The following HHAT variants were observed in gnomAD, a reference collection of about 807,000 sequenced individuals.
HHAT encodes protein-cysteine N-palmitoyltransferase HHAT.
A neutral mutation model predicts 70.8 loss-of-function variants in HHAT; 47 were observed. The ratio of observed to expected loss-of-function variants is 0.66; its 90% CI spans 0.53 to 0.85. HHAT has a LOEUF of 0.85. HHAT is among the 40% of genes least tolerant of loss of function. HHAT has a pLI of 0.00. For missense variants in HHAT, 609 were observed against 604.8 expected (o/e 1.01, Z -0.07); for synonymous variants, 228 against 247.6 (o/e 0.92, Z 0.74).
chr1:210,609,824 C>T (rs1666232220), intron 10 of HHAT, among the ~76,000 whole-genome samples: 1 of 152,098 alleles, frequency 6.6e-6, no homozygotes, highest in Non-Finnish European at 1.5e-5. Flanking sequence ...CATCCATGTC[C>T]CTTCAAAGGA....
intron 9 of HHAT, among the ~76,000 whole-genome samples, chr1:210,568,319 C>T (rs1655275170): frequency 6.6e-6 from 1 of 152,214 alleles, no homozygotes; most frequent in African/African-American, 2.4e-5. Context: ...TCATCTCTAT[C>T]TTTTGTGATA....
In HHAT at chr1:210,541,673, G is replaced by A. The variant is rs1251023489; in HGVS notation, c.1043+28485G>A. Among the ~76,000 whole-genome samples the A allele has an allele frequency of 2.0e-5, 3 of 152,344 alleles. No individual in the cohort carries two copies. The South Asian group carries it at 6.2e-4, about 32-fold the overall frequency. On this transcript the variant is annotated intron_variant, in intron 9 of 11. Coordinates refer to ENST00000261458, the MANE Select transcript of HHAT (RefSeq NM_018194.6). ...ACCCGGGAGGCGGAGGTTGCAGTGAGCTGAGATTGTGCCACTGCACTACAG... is the reference window on the plus strand; with the variant it reads ...ACCCGGGAGGCGGAGGTTGCAGTGAACTGAGATTGTGCCACTGCACTACAG...
chr1:210,629,830 TTTTTTTTG>T (rs201216286), intron 11 of HHAT, among the ~76,000 whole-genome samples: 18 of 112,546 alleles, frequency 1.6e-4, no homozygotes, highest in East Asian at 8.6e-4. Context: ...TGTTTCTGTT[TTTTTTTTG>T]TTTTTTGTTT....
intron 5 of HHAT, among the ~76,000 whole-genome samples, chr1:210,401,535 G>A (rs1281733463): frequency 6.6e-6 from 1 of 152,192 alleles, no homozygotes; most frequent in East Asian, 1.9e-4. Context: ...AAACCCAGAG[G>A]CATTTTGACA....
chr1:210,490,784 T>C (rs1343314395), intron 8 of HHAT, among the ~76,000 whole-genome samples: 1 of 152,144 alleles, frequency 6.6e-6, no homozygotes, highest in Non-Finnish European at 1.5e-5. Context: ...AACTCACTAA[T>C]AGGAAAAGAG....
chr1:210,402,572 G>A (rs144876066), intron 5 of HHAT, among the ~76,000 whole-genome samples: 333 of 152,286 alleles, frequency 2.2e-3, no homozygotes, highest in African/African-American at 7.7e-3. Flanking sequence ...GTTAGTGTCC[G>A]ATACTGCTCT....
At chr1:210,632,564 C>G (rs1464884832) in intron 11 of HHAT, among the ~76,000 whole-genome samples, 1 of 152,152 alleles carries the variant, frequency 6.6e-6, no homozygotes, top group African/African-American at 2.4e-5. Context: ...TTTGGACATG[C>G]CTACTCCCCC....
chr1:210,433,024 C>T (rs2093289402), intron 7 of HHAT, among the ~76,000 whole-genome samples: 2 of 151,542 alleles, frequency 1.3e-5, no homozygotes, highest in South Asian at 4.2e-4. Context: ...CCAAAAGTTG[C>T]GGTTAAGTGT....
At chr1:210,425,285 C>A (rs1233729235) in intron 7 of HHAT, among the ~76,000 whole-genome samples, 1 of 152,116 alleles carries the variant, frequency 6.6e-6, no homozygotes, top group African/African-American at 2.4e-5. Context: ...AATTTTCTCC[C>A]ATTTTGTAGG....
intron 1 of HHAT, among the ~76,000 whole-genome samples, chr1:210,340,625 A>T (rs945797863): frequency 6.6e-6 from 1 of 152,148 alleles, no homozygotes; most frequent in East Asian, 1.9e-4. Flanking sequence ...GGTTAGGTTT[A>T]GTTTGCCTTT....
At chr1:210,644,602 CAAAAAAAAAA>C (rs57190952) in intron 11 of HHAT, among the ~76,000 whole-genome samples, 1 of 64,026 alleles carries the variant, frequency 1.6e-5, no homozygotes, top group African/African-American at 7.4e-5. Flanking sequence ...GACTCCATCT[CAAAAAAAAAA>C]AAAAAAAAAA....
intron 10 of HHAT, among the ~76,000 whole-genome samples, chr1:210,619,194 AC>A (rs1303865608): frequency 6.6e-6 from 1 of 151,742 alleles, no homozygotes; most frequent in Admixed American, 6.6e-5. Context: ...GCCCCGACCC[AC>A]CCCCTGTCAT....
At chr1:210,668,072 C>A (rs1315723838) in intron 11 of HHAT, among the ~76,000 whole-genome samples, 1 of 152,126 alleles carries the variant, frequency 6.6e-6, no homozygotes, top group Non-Finnish European at 1.5e-5. Flanking sequence ...ATATAGTATT[C>A]TTTTGTGTCC....
chr1:210,535,597 C>T (rs954576564), intron 9 of HHAT, among the ~76,000 whole-genome samples: 1 of 152,038 alleles, frequency 6.6e-6, no homozygotes, highest in Non-Finnish European at 1.5e-5. Flanking sequence ...GTTCACACAT[C>T]AGATGTCAGA....
intron 11 of HHAT, among the ~76,000 whole-genome samples, chr1:210,637,871 A>AGG (rs1553312397): frequency 9.4e-5 from 11 of 117,500 alleles, no homozygotes; most frequent in African/African-American, 1.6e-4. Context: ...AAAAAAAAAA[A>AGG]GGGGGGGGCA....
intron 9 of HHAT, among the ~76,000 whole-genome samples, 166 bp from the exon 10 acceptor site, chr1:210,587,732 C>T (rs965541418): frequency 1.1e-4 from 17 of 152,164 alleles, no homozygotes; most frequent in African/African-American, 1.7e-4. Context: ...CTTGGGTTTT[C>T]GCCAACTCCT....
At chr1:210,438,128 G>A (rs868251125) in intron 7 of HHAT, among the ~76,000 whole-genome samples, 7 of 151,734 alleles carry the variant, frequency 4.6e-5, no homozygotes, top group Admixed American at 1.3e-4. Context: ...GGGAGGAGGA[G>A]TTCTCTTTTC....
At chr1:210,598,956 G>A (rs11119547) in intron 10 of HHAT, among the ~76,000 whole-genome samples, 63,819 of 151,908 alleles carry the variant, frequency 0.42, 13,967 homozygotes, top group South Asian at 0.51. Flanking sequence ...GGCCTTATTT[G>A]GGGATCAAAA....
intron 8 of HHAT, among the ~76,000 whole-genome samples, chr1:210,500,885 A>G (rs569517498): frequency 1.8e-4 from 28 of 152,270 alleles, no homozygotes; most frequent in African/African-American, 5.3e-4. Flanking sequence ...CCTAAACACT[A>G]TGGAATTGAC....
Sources: gnomAD v4.1 joint callset for allele counts (sites outside exome capture counted in the v4.1 genomes callset) on GRCh38, gnomAD v4.1.1 for gene constraint, MANE v1.5 for transcripts, NCBI Gene and HGNC (gene_info 2026-07-23, HGNC 2026-07-21) for gene names.